AK2: variants seen among roughly 807,000 people sequenced by gnomAD.
The protein encoded by AK2 is adenylate kinase 2, mitochondrial.
A neutral mutation model predicts 24.6 loss-of-function variants in AK2; 15 were observed. That is an observed-to-expected ratio of 0.61 (90% CI 0.41 to 0.94). AK2 has a LOEUF of 0.94. AK2 is among the 40% of genes least tolerant of loss of function. The pLI is 0.00. For synonymous variants in AK2, 102 were observed against 114.0 expected (o/e 0.90, Z 0.67); for missense variants, 257 against 304.1 (o/e 0.85, Z 1.15).
intron 4 of AK2, chr1:33,020,045 A>G (rs991779012): frequency 2.0e-5 from 30 of 1,532,662 alleles, no homozygotes; most frequent in Non-Finnish European, 2.5e-5. Flanking sequence ...TACTTCTGGA[A>G]GGCACAAAGC....
intron 2 of AK2, 81 bp from the exon 3 acceptor site, chr1:33,021,784 G>T: frequency 9.2e-7 from 1 of 1,091,858 alleles, no homozygotes; most frequent in Non-Finnish European, 1.4e-6. Context: ...ACAGCCAAAA[G>T]TTTGTGTATA....
intron 4 of AK2, among the ~76,000 whole-genome samples, chr1:33,019,348 A>T (rs1245046438): frequency 6.6e-6 from 1 of 152,126 alleles, no homozygotes; most frequent in Non-Finnish European, 1.5e-5. Context: ...CTGGGCCCAT[A>T]GAATCAAAGG....
chr1:33,013,857 A>G (rs1175283718), intron 5 of AK2, among the ~76,000 whole-genome samples: 1 of 152,244 alleles, frequency 6.6e-6, no homozygotes, highest in East Asian at 1.9e-4. Context: ...ACATTCTAAA[A>G]GTGGCAAGTA....
rs899395237 is a variant in AK2 at position 33,020,133 on chromosome 1, C to T, written c.425+1234G>A. 14 of 1,534,798 alleles carry T rather than the reference C, an allele frequency of 9.1e-6. No homozygotes were observed. The African/African-American group carries it at 1.6e-4, about 18-fold the overall frequency. On this transcript the variant is annotated intron_variant, in intron 4 of 5. Transcript: ENST00000672715. ...GTTGGTCTGTCAGAACAAACGTGTC[C>T]AGAAGCAGAGGCATTTCTGTGTTCA...
At position 33,011,890 on chromosome 1, in the gene AK2, G is replaced by A. The variant is rs1414175053; in HGVS notation, c.*1291C>T. 6.5e-7 allele frequency: 1 copy of A among 1,530,186 alleles called. No individual in the cohort carries two copies. The highest frequency in any genetic ancestry group is 2.0e-5 in the Admixed American group (1 of 50,900). The allele number at this position is 1,530,186 out of a possible 1,614,324, so 94.8% of individuals were successfully genotyped here. A position where few individuals can be genotyped will look rare whatever the true frequency, so the allele number is the denominator to read the frequency against. On this transcript the variant is annotated 3_prime_UTR_variant, in exon 6 of 6. Coordinates refer to ENST00000672715, the MANE Select transcript of AK2 (RefSeq NM_001625.4). ...GCCATCATAAAATTAGGGGTGAAGG[G>A]TTGGATCTAGAAAGGAGAGGGTTTG...
intron 1 of AK2, among the ~76,000 whole-genome samples, chr1:33,035,702 G>A (rs188699152): frequency 3.0e-4 from 46 of 152,268 alleles, no homozygotes; most frequent in Admixed American, 3.0e-3. Flanking sequence ...AGATCTAGAA[G>A]GGGCCCAGAT....
At chr1:33,024,132 C>T in intron 2 of AK2, 1 of 352,954 alleles carries the variant, frequency 2.8e-6, no homozygotes, top group Non-Finnish European at 5.5e-6. Flanking sequence ...GACTGCGCCA[C>T]TGCACTCCAG....
chr1:33,021,330 T>G lies in AK2; in HGVS notation c.425+37A>C, dbSNP rs1639537586. 5.7e-6 allele frequency: 9 copies of G among 1,566,708 alleles called. No individual in the cohort carries two copies. The South Asian group carries it at 8.9e-5, about 15-fold the overall frequency. On this transcript the variant is annotated intron_variant, in intron 4 of 5. Transcript: ENST00000672715. Reference sequence around the variant, plus strand: ...CAATTCTCAGAGTTTGAGAAAGCTCTGAGAAGCATGAAAAGGGACCTTCAA... The same window carrying G: ...CAATTCTCAGAGTTTGAGAAAGCTCGGAGAAGCATGAAAAGGGACCTTCAA...
chr1:33,020,106 G>T (rs1401532994), intron 4 of AK2: 5 of 1,535,248 alleles, frequency 3.3e-6, no homozygotes, highest in Non-Finnish European at 3.5e-6. Flanking sequence ...GGCTAAAGCA[G>T]TGTTGGTCTG....
Sources: allele counts gnomAD v4.1 joint callset (sites outside exome capture counted in the v4.1 genomes callset), GRCh38; gene constraint gnomAD v4.1.1; transcripts MANE v1.5; gene names NCBI Gene and HGNC (gene_info 2026-07-23, HGNC 2026-07-21).